Variants in SLC12A3 observed in about 807,000 individuals in gnomAD.
SLC12A3 encodes solute carrier family 12 member 3.
Under a neutral mutation model 121.0 loss-of-function variants are expected in SLC12A3, and 104 were observed. The observed-to-expected ratio is 0.86, with a 90% CI of 0.73 to 1.01. The LOEUF (loss-of-function observed/expected upper bound fraction) is 1.01, where lower values mean the gene tolerates loss of function less well. Among genes scored for constraint, SLC12A3 ranks in the 50% least tolerant of loss-of-function variants. The pLI is 0.00. For missense variants in SLC12A3, 1,328 were observed against 1,356.3 expected, an observed-to-expected ratio of 0.98 and a Z score of 0.33; for synonymous variants, 536 against 533.4, an observed-to-expected ratio of 1.00 and a Z score of -0.07.
In SLC12A3 at chr16:56,906,540, G is replaced by A. The variant is rs148457339; in HGVS notation, c.2924+2078G>A. ...CTGAGGATTGACTGCCATCCTGAAT[G>A]AATCAGTAAGTATCCAAACTAGGAA... On this transcript the variant is annotated intron_variant, in intron 25 of 25. Coordinates refer to ENST00000563236, the MANE Select transcript of SLC12A3 (RefSeq NM_001126108.2). The A allele has an allele frequency of 3.1e-4, 67 of 217,184 alleles. 2 individuals are homozygous for A. Among genetic ancestry groups the A allele is most frequent in the African/African-American group, 1.5e-3 (62 of 42,648 alleles). 13.5% of individuals were successfully genotyped at this position (217,184 alleles called of 1,614,324 possible). A position where few individuals can be genotyped will look rare whatever the true frequency, so the allele number is the denominator to read the frequency against.
At chr16:56,902,997 A>G (rs1372159339) in intron 24 of SLC12A3, among the ~76,000 whole-genome samples, 3 of 151,952 alleles carry the variant, frequency 2.0e-5, no homozygotes, top group Non-Finnish European at 4.4e-5. Flanking sequence ...AATACAAAAA[A>G]AATTAGCTGG....
chr16:56,878,059 TCTCCCTCC>T lies in SLC12A3; in HGVS notation c.1096-13_1096-6del. ...CTCTCCCTCCCTCCCTCCCTCCCTC[TCTCCCTCC>T]CTCCTTCAGGACCCTGCTATAGCCA... On this transcript the variant is annotated splice_polypyrimidine_tract_variant and intron_variant, in intron 8 of 25. Transcript: ENST00000563236. 3.9e-6 allele frequency: 1 copy of T among 257,860 alleles called. No homozygotes were observed. Among genetic ancestry groups the T allele is most frequent in the Non-Finnish European group, 7.0e-6 (1 of 142,948 alleles). 16.0% of individuals were successfully genotyped at this position (257,860 alleles called of 1,614,324 possible).
Position 56,870,701 on chromosome 16 carries a change from G to C in SLC12A3, c.817G>C (p.Ala273Pro). ...CGTGGTCTCGGTCACTGTGCTGCTG[G>C]CCATCTCCCTGGCTGGCATGGAGTG... Reference protein sequence around the residue: ...IAVVSVTVLLAISLAGMEWES... With the variant: ...IAVVSVTVLLPISLAGMEWES... Residue 273 changes from alanine to proline, a missense_variant, in exon 6 of 26, where the codon GCC becomes CCC. Physicochemically the swap from Ala to Pro is conservative, Grantham distance 27. Transcript: ENST00000563236. The C allele has an allele frequency of 6.2e-7, 1 of 1,613,720 alleles. No individual in the cohort carries two copies. Among genetic ancestry groups the C allele is most frequent in the Non-Finnish European group, 8.5e-7 (1 of 1,179,624 alleles).
intron 22 of SLC12A3, among the ~76,000 whole-genome samples, chr16:56,895,413 C>T (rs1354166014): frequency 6.6e-6 from 1 of 150,646 alleles, no homozygotes. Flanking sequence ...AGGCTGGTCT[C>T]GAACTCCTGA....
chr16:56,897,973 T>C (rs564466975), intron 22 of SLC12A3, among the ~76,000 whole-genome samples: 1 of 152,340 alleles, frequency 6.6e-6, no homozygotes, highest in East Asian at 1.9e-4. Context: ...GGTCCCAGCC[T>C]GGTCCTCCAG....
Position 56,869,738 on chromosome 16 carries a change from G to C in SLC12A3, c.515G>C (p.Trp172Ser). ...TGGGTGCCCCCTGCAGTCCTGACCT[G>C]GATCATCATCCTGCTGTCGGTCACG... is the stretch of plus-strand genomic sequence containing the variant. ...ITAQAGIVLT[W>S]IIILLSVTVT... Residue 172 changes from tryptophan to serine, a missense_variant, in exon 4 of 26, where the codon TGG becomes TCG. By Grantham distance (177) the Trp-to-Ser change is radical. Transcript: ENST00000563236. 1 of 1,614,100 alleles carries C rather than the reference G, an allele frequency of 6.2e-7. No homozygotes were observed. Among genetic ancestry groups the C allele is most frequent in the African/African-American group, 1.3e-5 (1 of 75,038 alleles).
intron 22 of SLC12A3, among the ~76,000 whole-genome samples, chr16:56,895,584 G>T (rs146857345): frequency 6.6e-6 from 1 of 151,428 alleles, no homozygotes; most frequent in Admixed American, 6.6e-5. Flanking sequence ...TGGAGAACAC[G>T]CCTCCTCCTG....
intron 14 of SLC12A3, among the ~76,000 whole-genome samples, chr16:56,884,682 G>T (rs1332619233): frequency 6.6e-6 from 1 of 152,202 alleles, no homozygotes; most frequent in Non-Finnish European, 1.5e-5. Context: ...GAAAGCCTGG[G>T]ATTCTAAGTG....
chr16:56,885,329 C>T lies in SLC12A3; in HGVS notation c.1890C>T (p.Gly630=), dbSNP rs2144726240. The T allele has an allele frequency of 1.3e-6, 2 of 1,555,578 alleles. No homozygotes were observed. Among genetic ancestry groups the T allele is most frequent in the Non-Finnish European group, 8.7e-7 (1 of 1,149,054 alleles). ...ACCTGGCCCTCAGCTACTCGGTGGG[C>T]CTCAATGAGGTGGAAGACCACATCA... ...SYNLALSYSV[G]LNEVEDHIKN... The change falls in exon 15 of 26, where the codon GGC becomes GGT. Residue 630 remains glycine (G), a synonymous_variant. Coordinates refer to ENST00000563236, the MANE Select transcript of SLC12A3 (RefSeq NM_001126108.2).
chr16:56,874,819 C>G (rs185334549), intron 8 of SLC12A3, among the ~76,000 whole-genome samples: 2,153 of 151,934 alleles, frequency 0.014, 32 homozygotes, highest in Middle Eastern at 0.024. Context: ...CTCACCCCCC[C>G]GCAAAAAAAA....
chr16:56,879,301 G>T, intron 10 of SLC12A3, 74 bp downstream of exon 10: 1 of 1,586,332 alleles, frequency 6.3e-7, no homozygotes, highest in Non-Finnish European at 8.6e-7. Flanking sequence ...TGCAGGCCTG[G>T]AAGTTTGTTG....
chr16:56,881,448 G>C (rs193256229), intron 12 of SLC12A3, among the ~76,000 whole-genome samples: 10 of 152,136 alleles, frequency 6.6e-5, no homozygotes, highest in Admixed American at 3.3e-4. Context: ...TTCATCTGGG[G>C]GGGGGTCTGA....
At chr16:56,888,420 C>G (rs1482288987) in intron 18 of SLC12A3, among the ~76,000 whole-genome samples, 1 of 152,128 alleles carries the variant, frequency 6.6e-6, no homozygotes, top group African/African-American at 2.4e-5. Flanking sequence ...GTGGGCCAGG[C>G]CAGGGGTGAT....
intron 25 of SLC12A3, among the ~76,000 whole-genome samples, chr16:56,910,141 T>A (rs2055665939): frequency 6.6e-6 from 1 of 152,232 alleles, no homozygotes; most frequent in South Asian, 2.1e-4. Context: ...CTTGGGCCTC[T>A]ATATGGTACT....
rs567326314 is a variant in SLC12A3 at position 56,913,342 on chromosome 16, C to T, written c.3003C>T (p.Leu1001=). 47 of 1,614,092 alleles carry T rather than the reference C, an allele frequency of 2.9e-5. No individual in the cohort carries two copies. Among genetic ancestry groups the T allele is most frequent in the Admixed American group, 1.0e-4 (6 of 60,004 alleles). ...GGCTGGAGACCCTGTCCCAGGACCT[C>T]AGACCTCCAGTCATCCTGATCCGAG... ...MAWLETLSQD[L]RPPVILIRGN... is the part of the protein sequence containing the mutation. The change falls in exon 26 of 26, where the codon CTC becomes CTT. Residue 1001 remains leucine, a synonymous_variant. Transcript: ENST00000563236.
At chr16:56,869,596 A>G in intron 3 of SLC12A3, 133 bp from the exon 4 acceptor site, 1 of 762,908 alleles carries the variant, frequency 1.3e-6, no homozygotes, top group East Asian at 2.7e-5. Context: ...AAAGTGACAG[A>G]GACCCATTTT....
intron 5 of SLC12A3, among the ~76,000 whole-genome samples, 177 bp downstream of exon 5, chr16:56,870,412 C>T (rs1267530678): frequency 6.6e-6 from 1 of 152,258 alleles, no homozygotes; most frequent in African/African-American, 2.4e-5. Flanking sequence ...ATTGCTTTCC[C>T]ACAAGTCCCC....
intron 22 of SLC12A3, among the ~76,000 whole-genome samples, chr16:56,897,630 G>A (rs536376645): frequency 5.9e-5 from 9 of 152,316 alleles, no homozygotes; most frequent in South Asian, 2.1e-4. Context: ...AATAAGATAC[G>A]AGATTGCTCT....
intron 25 of SLC12A3, among the ~76,000 whole-genome samples, chr16:56,905,556 C>T (rs2055597729): frequency 6.6e-6 from 1 of 151,954 alleles, no homozygotes. Flanking sequence ...ACTGCAGATG[C>T]CAGGTTCTGC....
Sources: allele counts gnomAD v4.1 joint callset (sites outside exome capture counted in the v4.1 genomes callset), GRCh38; gene constraint gnomAD v4.1.1; transcripts MANE v1.5; gene names NCBI Gene and HGNC (gene_info 2026-07-23, HGNC 2026-07-21).